Variants in CENPW observed in about 807,000 individuals in gnomAD.
CENPW encodes centromere protein W.
CENPW carries 3 observed loss-of-function variants against 11.1 expected under a neutral mutation model. The ratio of observed to expected loss-of-function variants is 0.27; its 90% CI spans 0.12 to 0.70. CENPW has a LOEUF of 0.70. CENPW is among the 30% of genes least tolerant of loss of function. CENPW has a pLI of 0.77. For missense variants in CENPW, 100 were observed against 105.6 expected, an observed-to-expected ratio of 0.95 and a Z score of 0.23; for synonymous variants, 38 against 42.0, an observed-to-expected ratio of 0.91 and a Z score of 0.37.
chr6:126,372,107 A>G, the CENPW span, among the ~76,000 whole-genome samples: 1 of 151,522 alleles, frequency 6.6e-6, no homozygotes, highest in East Asian at 1.9e-4. Flanking sequence ...GATCTTTGTT[A>G]TTTCTTTTCT....
chr6:126,475,972 G>A, the CENPW span, among the ~76,000 whole-genome samples: 6 of 151,754 alleles, frequency 4.0e-5, no homozygotes, highest in Admixed American at 3.9e-4. Flanking sequence ...GCTATTGAAG[G>A]CCACTTATAG....
the CENPW span, among the ~76,000 whole-genome samples, chr6:126,386,179 C>T: frequency 1.3e-5 from 2 of 152,042 alleles, no homozygotes; most frequent in African/African-American, 4.8e-5. Flanking sequence ...ACTTGGCCTT[C>T]TGTCATTTGA....
chr6:126,379,645 A>C, the CENPW span, among the ~76,000 whole-genome samples: 13 of 152,220 alleles, frequency 8.5e-5, no homozygotes, highest in African/African-American at 2.9e-4. Flanking sequence ...TATTCTTGAT[A>C]AGTCAAAGTT....
chr6:126,443,950 C>T, the CENPW span, among the ~76,000 whole-genome samples: 1 of 151,070 alleles, frequency 6.6e-6, no homozygotes, highest in Admixed American at 6.6e-5. Flanking sequence ...ATATAAAGTC[C>T]TTGGCTCACA....
At chr6:126,364,071 A>G in the CENPW span, among the ~76,000 whole-genome samples, 5 of 152,194 alleles carry the variant, frequency 3.3e-5, no homozygotes, top group Admixed American at 3.3e-4. Flanking sequence ...CAAGAGTTTG[A>G]CAGGCTATAG....
At chr6:126,340,564 C>T (rs1780283884) in intron 1 of CENPW, 165 bp downstream of exon 1, 3 of 931,038 alleles carry the variant, frequency 3.2e-6, no homozygotes, top group Middle Eastern at 3.4e-4. Flanking sequence ...CCTGGCATGT[C>T]AGTTCATATT....
At chr6:126,374,203 T>C in the CENPW span, among the ~76,000 whole-genome samples, 1 of 152,144 alleles carries the variant, frequency 6.6e-6, no homozygotes, top group Non-Finnish European at 1.5e-5. Flanking sequence ...TAAAAATTAA[T>C]AGTTTATCAG....
At chr6:126,396,186 C>T in the CENPW span, among the ~76,000 whole-genome samples, 1 of 152,076 alleles carries the variant, frequency 6.6e-6, no homozygotes, top group Admixed American at 6.6e-5. Flanking sequence ...GGACTAGAGG[C>T]AGAAACCTTA....
chr6:126,437,385 G>A, the CENPW span, among the ~76,000 whole-genome samples: 1 of 151,852 alleles, frequency 6.6e-6, no homozygotes. Flanking sequence ...AGTTGAATTT[G>A]GTTTTCCACC....
At chr6:126,466,834 T>C in the CENPW span, among the ~76,000 whole-genome samples, 2 of 152,096 alleles carry the variant, frequency 1.3e-5, no homozygotes, top group Non-Finnish European at 2.9e-5. Flanking sequence ...AGCATTTCTA[T>C]AGACCAACAA....
At chr6:126,360,442 C>G in the CENPW span, among the ~76,000 whole-genome samples, 8 of 152,170 alleles carry the variant, frequency 5.3e-5, no homozygotes, top group South Asian at 1.2e-3. Context: ...CTAGGGTTCT[C>G]AGTATTTCTT....
chr6:126,370,329 A>T, the CENPW span, among the ~76,000 whole-genome samples: 1 of 151,540 alleles, frequency 6.6e-6, no homozygotes, highest in Non-Finnish European at 1.5e-5. Context: ...TTTTGATGAG[A>T]ATTGTATTGA....
At chr6:126,398,319 C>G in the CENPW span, among the ~76,000 whole-genome samples, 1 of 152,102 alleles carries the variant, frequency 6.6e-6, no homozygotes, top group African/African-American at 2.4e-5. Flanking sequence ...TAGCATCATG[C>G]CTAGTGCTTT....
chr6:126,363,171 C>A, the CENPW span, among the ~76,000 whole-genome samples: 1 of 152,036 alleles, frequency 6.6e-6, no homozygotes, highest in Non-Finnish European at 1.5e-5. Flanking sequence ...AGCAAATAGA[C>A]CAGCTAGGAA....
At chr6:126,352,098 T>A (rs1780498104), downstream of CENPW, among the ~76,000 whole-genome samples, 1 of 152,126 alleles carries the variant, frequency 6.6e-6, no homozygotes, top group Non-Finnish European at 1.5e-5. Flanking sequence ...GGGCCATGCT[T>A]CCGAGAACAA....
At chr6:126,422,943 G>A in the CENPW span, among the ~76,000 whole-genome samples, 1 of 152,110 alleles carries the variant, frequency 6.6e-6, no homozygotes, top group Non-Finnish European at 1.5e-5. Flanking sequence ...TAACCACAGT[G>A]AATTGTTTTC....
chr6:126,478,802 G>C, the CENPW span, among the ~76,000 whole-genome samples: 1 of 152,002 alleles, frequency 6.6e-6, no homozygotes, highest in East Asian at 1.9e-4. Context: ...AGGAGTAGGA[G>C]AATCCTCTTG....
At chr6:126,426,311 G>A in the CENPW span, among the ~76,000 whole-genome samples, 1 of 152,066 alleles carries the variant, frequency 6.6e-6, no homozygotes, top group African/African-American at 2.4e-5. Flanking sequence ...GCTGCTTGTG[G>A]GTCTTGAGTG....
At chr6:126,458,621 T>C in the CENPW span, among the ~76,000 whole-genome samples, 1 of 151,412 alleles carries the variant, frequency 6.6e-6, no homozygotes, top group South Asian at 2.1e-4. Context: ...AGGACGACAC[T>C]GAGAATCTTA....
Sources: gnomAD v4.1 joint callset for allele counts (sites outside exome capture counted in the v4.1 genomes callset) on GRCh38, gnomAD v4.1.1 for gene constraint, MANE v1.5 for transcripts, NCBI Gene and HGNC (gene_info 2026-07-23, HGNC 2026-07-21) for gene names.